The following CGGBP1 variants were observed in gnomAD, a reference collection of about 807,000 sequenced individuals.
CGGBP1 encodes the protein CGG triplet repeat-binding protein 1.
Under a neutral mutation model 11.4 loss-of-function variants are expected in CGGBP1, and 4 were observed. That is an observed-to-expected ratio of 0.35 (90% CI 0.17 to 0.80). The LOEUF is 0.80. Among genes scored for constraint, CGGBP1 ranks in the 30% least tolerant of loss-of-function variants. The pLI, the probability that CGGBP1 is intolerant of heterozygous loss-of-function variation, is 0.52. For synonymous variants in CGGBP1, 76 were observed against 74.1 expected, an observed-to-expected ratio of 1.03 and a Z score of -0.13; for missense variants, 135 against 202.1, an observed-to-expected ratio of 0.67 and a Z score of 2.01.
intron 2 of CGGBP1, chr3:88,086,182 A>T: frequency 7.3e-7 from 1 of 1,373,176 alleles, no homozygotes; most frequent in African/African-American, 1.5e-5. Flanking sequence ...TTATCCAGTA[A>T]CTTTTATGCA....
intron 2 of CGGBP1, among the ~76,000 whole-genome samples, chr3:88,125,808 T>C (rs1706066502): frequency 6.6e-6 from 1 of 152,174 alleles, no homozygotes; most frequent in Non-Finnish European, 1.5e-5. Context: ...TATGAACCTT[T>C]ATATAAATTT....
At chr3:88,118,165 G>C (rs4287925) in intron 2 of CGGBP1, among the ~76,000 whole-genome samples, 143,133 of 152,158 alleles carry the variant, frequency 0.94, 67,848 homozygotes, top group Non-Finnish European at 1. Context: ...ATCCTTATCC[G>C]GTGAAGCCAG....
chr3:88,064,204 G>A (rs1326951208), intron 2 of CGGBP1, among the ~76,000 whole-genome samples: 1 of 151,458 alleles, frequency 6.6e-6, no homozygotes, highest in Non-Finnish European at 1.5e-5. Context: ...GCTATCACTG[G>A]CAACTCTTTC....
intron 2 of CGGBP1, among the ~76,000 whole-genome samples, chr3:88,067,157 G>A (rs571198188): frequency 1.3e-4 from 20 of 152,330 alleles, no homozygotes; most frequent in African/African-American, 4.6e-4. Flanking sequence ...ACAGTGGTAA[G>A]CAAACAGACA....
chr3:88,059,172 G>A, upstream of CGGBP1: 3 of 1,410,672 alleles, frequency 2.1e-6, no homozygotes, highest in East Asian at 2.6e-5. Flanking sequence ...GGTGGGCGGA[G>A]CCGGAAGTAG....
At chr3:88,069,759 A>G (rs1382069538) in intron 2 of CGGBP1, among the ~76,000 whole-genome samples, 1 of 152,222 alleles carries the variant, frequency 6.6e-6, no homozygotes, top group Admixed American at 6.5e-5. Context: ...TACACAAATT[A>G]TAGCAGTTCT....
chr3:88,095,466 A>G, intron 2 of CGGBP1: 1 of 391,690 alleles, frequency 2.6e-6, no homozygotes, highest in Admixed American at 3.5e-5. Flanking sequence ...CGCATGCAAC[A>G]TCAGTCTCTC....
chr3:88,088,569 T>C (rs753178369), intron 2 of CGGBP1, among the ~76,000 whole-genome samples: 39 of 152,164 alleles, frequency 2.6e-4, no homozygotes, highest in Non-Finnish European at 5.0e-4. Flanking sequence ...GATGTAAAGC[T>C]GAAGAAGAAA....
chr3:88,086,159 C>G, intron 2 of CGGBP1: 9 of 1,119,772 alleles, frequency 8.0e-6, no homozygotes, highest in Middle Eastern at 3.0e-4. Context: ...TCATGCCGAT[C>G]TAATATTTTA....
chr3:88,071,591 G>T (rs1301607707), intron 2 of CGGBP1, among the ~76,000 whole-genome samples: 1 of 152,122 alleles, frequency 6.6e-6, no homozygotes, highest in Admixed American at 6.5e-5. Context: ...AGCTGAGATC[G>T]CGCCACTGCA....
intron 2 of CGGBP1, among the ~76,000 whole-genome samples, chr3:88,069,377 G>A (rs1048704060): frequency 3.9e-5 from 6 of 152,068 alleles, no homozygotes; most frequent in African/African-American, 1.4e-4. Context: ...AGTCTAGATG[G>A]CGCCGCTGCA....
chr3:88,086,506 C>A, intron 2 of CGGBP1: 1 of 998,124 alleles, frequency 1.0e-6, no homozygotes, highest in Non-Finnish European at 1.3e-6. Context: ...TAAAGTATTC[C>A]CTCAAAAAGA....
intron 1 of CGGBP1, among the ~76,000 whole-genome samples, chr3:88,148,278 TTG>T (rs1707345031): frequency 6.6e-6 from 1 of 152,228 alleles, no homozygotes; most frequent in East Asian, 1.9e-4. Context: ...AATGCAAGCA[TTG>T]TTTTTTGTCC....
intron 2 of CGGBP1, among the ~76,000 whole-genome samples, chr3:88,119,924 A>C (rs1329558882): frequency 3.3e-5 from 5 of 152,222 alleles, no homozygotes; most frequent in Non-Finnish European, 5.9e-5. Flanking sequence ...TCCTCTTCAG[A>C]TAAAACTCTG....
chr3:88,082,713 A>G (rs927809946), intron 2 of CGGBP1, among the ~76,000 whole-genome samples: 2 of 152,230 alleles, frequency 1.3e-5, no homozygotes, highest in Non-Finnish European at 2.9e-5. Context: ...TTTCTTTGTT[A>G]CATTACAAAA....
chr3:88,086,234 T>C, intron 2 of CGGBP1: 1 of 1,527,012 alleles, frequency 6.5e-7, no homozygotes, highest in Non-Finnish European at 8.7e-7. Context: ...TCTATAGTAA[T>C]GTCTGGATTG....
chr3:88,086,345 G>T (rs2107662072), intron 2 of CGGBP1: 1 of 1,535,552 alleles, frequency 6.5e-7, no homozygotes, highest in Non-Finnish European at 8.7e-7. Context: ...ACAACAGCCA[G>T]TGCATCATTC....
intron 1 of CGGBP1, among the ~76,000 whole-genome samples, chr3:88,145,288 G>GA (rs936924476): frequency 9.2e-5 from 14 of 151,924 alleles, no homozygotes; most frequent in East Asian, 1.9e-4. Flanking sequence ...CTTTAAGTAG[G>GA]AAAAAAACTT....
In CGGBP1 at chr3:88,091,419, G is replaced by C. The variant is rs185723153; in HGVS notation, c.-228-33196C>G. Among the ~76,000 whole-genome samples, 140 of 152,194 alleles carry C rather than the reference G, an allele frequency of 9.2e-4. 2 individuals are homozygous for C. Among genetic ancestry groups the C allele is most frequent in the Admixed American group, 4.7e-3 (72 of 15,290 alleles). The stretch of plus-strand genomic sequence containing the variant: ...AAATATGTATTAAAATAAATTATTC[G>C]TAAGGAAGAAGTATTGCTGTTTCAG... On this transcript the variant is annotated intron_variant, in intron 2 of 3. Transcript: ENST00000462901.
Sources: allele counts gnomAD v4.1 joint callset (sites outside exome capture counted in the v4.1 genomes callset), GRCh38; gene constraint gnomAD v4.1.1; transcripts MANE v1.5; gene names NCBI Gene and HGNC (gene_info 2026-07-23, HGNC 2026-07-21).